The following DMBT1 variants were observed in gnomAD, a reference collection of about 807,000 sequenced individuals.
The protein encoded by DMBT1 is deleted in malignant brain tumors 1.
Under a neutral mutation model 252.9 loss-of-function variants are expected in DMBT1, and 198 were observed. The ratio of observed to expected loss-of-function variants is 0.78; its 90% CI spans 0.70 to 0.88. The LOEUF is 0.88. DMBT1 is among the 40% of genes least tolerant of loss of function. The pLI is 0.00. For missense variants in DMBT1, 2,432 were observed against 2,404.7 expected (o/e 1.01, Z -0.24); for synonymous variants, 990 against 942.7 (o/e 1.05, Z -0.92).
intron 46 of DMBT1, 93 bp downstream of exon 46, chr10:122,626,058 C>A: frequency 9.6e-7 from 1 of 1,045,436 alleles, no homozygotes; most frequent in Non-Finnish European, 1.5e-6. Flanking sequence ...CCCACCCCAG[C>A]CTTCCTCAAT....
At chr10:122,571,001 T>G in intron 4 of DMBT1, 64 bp downstream of exon 4, 1 of 1,563,480 alleles carries the variant, frequency 6.4e-7, no homozygotes, top group African/African-American at 1.4e-5. Context: ...GGTTCATCTC[T>G]GATTCAGACG....
At chr10:122,642,727 G>A (rs1844787980) in intron 55 of DMBT1, among the ~76,000 whole-genome samples, 1 of 152,100 alleles carries the variant, frequency 6.6e-6, no homozygotes, top group African/African-American at 2.4e-5. Context: ...AGAAGGGAAG[G>A]TCATTTACTT....
chr10:122,617,485 C>T (rs561929500), intron 40 of DMBT1, among the ~76,000 whole-genome samples: 11 of 151,562 alleles, frequency 7.3e-5, no homozygotes, highest in Admixed American at 3.3e-4. Context: ...TGTTCAGGAA[C>T]GATCCTCATC....
chr10:122,631,681 G>A (rs560876594), intron 49 of DMBT1, among the ~76,000 whole-genome samples, 174 bp from the exon 50 acceptor site: 3 of 152,214 alleles, frequency 2.0e-5, no homozygotes, highest in South Asian at 2.1e-4. Flanking sequence ...ACGGGACTTA[G>A]GGAGCATCTG....
intron 1 of DMBT1, among the ~76,000 whole-genome samples, chr10:122,561,070 G>A (rs2097541966): frequency 6.6e-6 from 1 of 152,176 alleles, no homozygotes; most frequent in Non-Finnish European, 1.5e-5. Context: ...AATGTTTTCA[G>A]TAAGTCATTC....
rs77751052 is a variant in DMBT1, at chr10:122,567,771, C to A, written c.91+1775C>A. Among the ~76,000 whole-genome samples, 842 of 152,298 alleles carry A rather than the reference C, an allele frequency of 5.5e-3. 48 individuals are homozygous for A. In the East Asian group the frequency reaches 0.13, roughly 24 times the overall value. Reference sequence around the variant, plus strand: ...GCATGGCCAGCTCCATGGTGGGAAGCAGGCTCAATTAGCCCCTCCCAGGAG... The same window carrying A: ...GCATGGCCAGCTCCATGGTGGGAAGAAGGCTCAATTAGCCCCTCCCAGGAG... On this transcript the variant is annotated intron_variant, in intron 2 of 55. Coordinates refer to ENST00000338354, the MANE Select transcript of DMBT1 (RefSeq NM_001377530.1).
chr10:122,563,281 G>T lies in DMBT1; in HGVS notation c.61+2450G>T, dbSNP rs577799641. Among the ~76,000 whole-genome samples the T allele has an allele frequency of 4.1e-4, 63 of 152,312 alleles. 1 individual carries two copies. The South Asian group carries it at 0.013, about 31-fold the overall frequency. On this transcript the variant is annotated intron_variant, in intron 1 of 55. Coordinates refer to ENST00000338354, the MANE Select transcript of DMBT1 (RefSeq NM_001377530.1). ...TTACTCATTTATAAATGGAGGTTAT[G>T]TTCCAACCCATGCAGTATCTGGCAC...
At chr10:122,624,918 T>G (rs561684191) in intron 44 of DMBT1, among the ~76,000 whole-genome samples, 1 of 152,244 alleles carries the variant, frequency 6.6e-6, no homozygotes, top group Non-Finnish European at 1.5e-5. Context: ...CTCTTTGCAC[T>G]GGCCTCTTCC....
At chr10:122,625,233 C>T in intron 44 of DMBT1, 44 bp from the exon 45 acceptor site, 3 of 1,598,080 alleles carry the variant, frequency 1.9e-6, no homozygotes, top group South Asian at 1.1e-5. Flanking sequence ...CGCTCATCAT[C>T]CTGGGCACTG....
chr10:122,635,237 A>G (rs551127460), intron 52 of DMBT1, among the ~76,000 whole-genome samples: 1 of 152,352 alleles, frequency 6.6e-6, no homozygotes, highest in South Asian at 2.1e-4. Flanking sequence ...GCCTTTGTAA[A>G]TAGGAAAAGC....
chr10:122,574,294 C>G (rs2097692505), intron 6 of DMBT1, among the ~76,000 whole-genome samples: 1 of 152,212 alleles, frequency 6.6e-6, no homozygotes, highest in South Asian at 2.1e-4. Context: ...AGTGAGAAAT[C>G]TGGGAGACAT....
chr10:122,638,233 T>A (rs1279607946), intron 54 of DMBT1, among the ~76,000 whole-genome samples: 1 of 152,120 alleles, frequency 6.6e-6, no homozygotes, highest in Non-Finnish European at 1.5e-5. Context: ...CCATTGTTCC[T>A]ATGCCAAGTG....
intron 42 of DMBT1, among the ~76,000 whole-genome samples, chr10:122,619,904 T>C (rs2098045484): frequency 6.6e-6 from 1 of 152,246 alleles, no homozygotes; most frequent in East Asian, 1.9e-4. Context: ...GATACCCCTT[T>C]GGGCGGCTCC....
At chr10:122,591,584 A>G in intron 19 of DMBT1, 67 bp downstream of exon 19, 6 of 1,482,266 alleles carry the variant, frequency 4.0e-6, no homozygotes, top group South Asian at 1.2e-5. Flanking sequence ...TTCTCTGAAA[A>G]TGATAGGATG....
intron 54 of DMBT1, among the ~76,000 whole-genome samples, chr10:122,637,990 C>G (rs1206337520): frequency 2.0e-5 from 3 of 152,132 alleles, no homozygotes. Flanking sequence ...TTTCAACAGC[C>G]CCTACCACCG....
chr10:122,566,931 G>A (rs568289132), intron 2 of DMBT1, among the ~76,000 whole-genome samples: 12 of 152,316 alleles, frequency 7.9e-5, no homozygotes, highest in Middle Eastern at 3.4e-3. Flanking sequence ...GAGTAGCAGG[G>A]CAGAGATTTG....
At chr10:122,627,494 G>A (rs1256199058) in intron 46 of DMBT1, among the ~76,000 whole-genome samples, 1 of 152,068 alleles carries the variant, frequency 6.6e-6, no homozygotes, top group South Asian at 2.1e-4. Context: ...ATAGAAGAAG[G>A]TTTAATGACT....
chr10:122,567,384 C>A (rs2097605454), intron 2 of DMBT1, among the ~76,000 whole-genome samples: 1 of 152,180 alleles, frequency 6.6e-6, no homozygotes, highest in African/African-American at 2.4e-5. Context: ...CAGGTCTGAA[C>A]AGGCATCTCC....
At chr10:122,577,158 C>T (rs373618562) in intron 7 of DMBT1, among the ~76,000 whole-genome samples, 7 of 152,180 alleles carry the variant, frequency 4.6e-5, no homozygotes, top group East Asian at 3.9e-4. Flanking sequence ...CAGGAACATC[C>T]GCATAACTCA....
Sources: allele counts gnomAD v4.1 joint callset (sites outside exome capture counted in the v4.1 genomes callset), GRCh38; gene constraint gnomAD v4.1.1; transcripts MANE v1.5; gene names NCBI Gene and HGNC (gene_info 2026-07-23, HGNC 2026-07-21).